The following USH2A variants were observed in gnomAD, a reference collection of about 807,000 sequenced individuals.
USH2A encodes the protein usherin.
In USH2A, 443 loss-of-function variants were observed where a neutral mutation model predicts 538.9. The observed-to-expected ratio is 0.82, with a 90% CI of 0.76 to 0.89. The LOEUF (loss-of-function observed/expected upper bound fraction) is 0.89, where lower values mean the gene tolerates loss of function less well. USH2A is among the 40% of genes least tolerant of loss of function. The pLI, the probability that USH2A is intolerant of heterozygous loss-of-function variation, is 0.00. For synonymous variants in USH2A, 2,413 were observed against 2,273.5 expected (o/e 1.06, Z -1.75); for missense variants, 6,633 against 6,324.8 (o/e 1.05, Z -1.65).
At chr1:216,147,437 C>T (rs2033734087) in intron 21 of USH2A, among the ~76,000 whole-genome samples, 1 of 152,072 alleles carries the variant, frequency 6.6e-6, no homozygotes, top group South Asian at 2.1e-4. Flanking sequence ...TTCTTTATCC[C>T]AAATCAGATA....
chr1:215,939,778 T>A (rs1409953640), intron 37 of USH2A, among the ~76,000 whole-genome samples: 1 of 152,128 alleles, frequency 6.6e-6, no homozygotes, highest in Non-Finnish European at 1.5e-5. Context: ...TTTTTTTTTC[T>A]CTGTGCTGGA....
At chr1:215,824,669 G>A (rs1663105036) in intron 47 of USH2A, among the ~76,000 whole-genome samples, 1 of 152,110 alleles carries the variant, frequency 6.6e-6, no homozygotes, top group African/African-American at 2.4e-5. Context: ...ATTGTCTCTG[G>A]ATGTCCTCAC....
intron 61 of USH2A, among the ~76,000 whole-genome samples, chr1:215,710,175 T>C (rs1202182889): frequency 6.6e-6 from 1 of 152,218 alleles, no homozygotes; most frequent in East Asian, 1.9e-4. Context: ...CATCATTCAC[T>C]GTGGGTGACT....
rs2031607039 is a variant in USH2A at position 216,072,926 on chromosome 1, T to C, written c.5820A>G (p.Val1940=). ...TACGTCCTCGACTCCAATCACTATA[T>C]ACTGAACCTCCTTCATGCGAGGCTA... ...RVIASHEGGS[V]YSDWSRGRTT... is the part of the protein sequence containing the mutation. Residue 1940 remains valine (V), a synonymous_variant, in exon 29 of 72, where the codon GTA becomes GTG. Coordinates refer to ENST00000307340, the MANE Select transcript of USH2A (RefSeq NM_206933.4). 2 of 1,613,974 alleles carry C rather than the reference T, an allele frequency of 1.2e-6. No homozygotes were observed. The highest frequency in any genetic ancestry group is 1.1e-5 in the South Asian group (1 of 91,078).
chr1:216,190,326 T>C lies in USH2A; in HGVS notation c.4293A>G (p.Val1431=), dbSNP rs142068313. ...ATATCCTATAAGGTTTCAGTCCTTCTACAGTGTAAGATAGTTCTTGGGATT... is the reference window on the plus strand; with the variant it reads ...ATATCCTATAAGGTTTCAGTCCTTCCACAGTGTAAGATAGTTCTTGGGATT... The part of the protein sequence containing the change: ...TAKSQELSYT[V]EGLKPYRIYE... The change falls in exon 20 of 72, where the codon GTA becomes GTG. Residue 1431 remains valine (V), a synonymous_variant. Transcript: ENST00000307340. The C allele has an allele frequency of 6.8e-6, 11 of 1,612,196 alleles. No individual in the cohort carries two copies. The highest frequency in any genetic ancestry group is 9.3e-6 in the Non-Finnish European group (11 of 1,178,948).
chr1:216,078,882 T>G (rs2031842721), intron 26 of USH2A, among the ~76,000 whole-genome samples: 1 of 152,184 alleles, frequency 6.6e-6, no homozygotes, highest in Admixed American at 6.6e-5. Flanking sequence ...ATATTTTGAT[T>G]CAATATTTCG....
chr1:215,743,230 T>A lies in USH2A; in HGVS notation c.11495A>T (p.Glu3832Val). 1 of 1,612,798 alleles carries A rather than the reference T, an allele frequency of 6.2e-7. No homozygotes were observed. Among genetic ancestry groups the A allele is most frequent in the Non-Finnish European group, 8.5e-7 (1 of 1,179,580 alleles). The stretch of plus-strand genomic sequence containing the variant: ...ATACTGTGTGAATGGAGTCAAATTT[T>A]CCAGAAGGGTGGATTGATGATGACC... ...SVGHHQSTLL[E>V]NLTPFTQYEI... The change falls in exon 59 of 72, where the codon GAA becomes GTA. Residue 3832 changes from glutamate (E) to valine (V), a missense_variant. Glu to Val is a moderately radical substitution (Grantham distance 121, BLOSUM62 -2). Coordinates refer to ENST00000307340, the MANE Select transcript of USH2A (RefSeq NM_206933.4).
At chr1:215,803,004 G>A (rs1413468094) in intron 49 of USH2A, among the ~76,000 whole-genome samples, 2 of 152,070 alleles carry the variant, frequency 1.3e-5, no homozygotes, top group Admixed American at 6.6e-5. Context: ...ACATAATCCA[G>A]CATATAAACA....
At chr1:215,889,493 A>T (rs966687629) in intron 40 of USH2A, among the ~76,000 whole-genome samples, 1 of 152,186 alleles carries the variant, frequency 6.6e-6, no homozygotes, top group South Asian at 2.1e-4. Flanking sequence ...GCCCAGTAAA[A>T]TCCTTCAGCA....
At chr1:216,112,665 A>G (rs1229706316) in intron 21 of USH2A, among the ~76,000 whole-genome samples, 1 of 151,960 alleles carries the variant, frequency 6.6e-6, no homozygotes, top group Non-Finnish European at 1.5e-5. Context: ...TGTGTTCATG[A>G]GTTCTCATTA....
At chr1:215,739,646 A>C (rs754773886) in intron 60 of USH2A, among the ~76,000 whole-genome samples, 1 of 152,230 alleles carries the variant, frequency 6.6e-6, no homozygotes, top group East Asian at 1.9e-4. Context: ...TTACGTGTTC[A>C]TGTGTTTTTG....
At chr1:215,964,990 C>T (rs182117921) in intron 37 of USH2A, among the ~76,000 whole-genome samples, 1 of 152,146 alleles carries the variant, frequency 6.6e-6, no homozygotes, top group Non-Finnish European at 1.5e-5. Flanking sequence ...AGAGTATATA[C>T]TAGTTCTTCA....
At chr1:215,986,865 A>T (rs922878872) in intron 35 of USH2A, among the ~76,000 whole-genome samples, 1 of 152,176 alleles carries the variant, frequency 6.6e-6, no homozygotes, top group Non-Finnish European at 1.5e-5. Flanking sequence ...ACTCCGTGGC[A>T]CTCTGCCAAA....
chr1:216,227,638 G>C (rs2035587345), intron 14 of USH2A, among the ~76,000 whole-genome samples: 1 of 152,136 alleles, frequency 6.6e-6, no homozygotes, highest in Non-Finnish European at 1.5e-5. Context: ...TCTAAGACTA[G>C]ATAAAAAATT....
In USH2A at chr1:215,629,777, T is replaced by TCTTTTCTTTTC. The variant is rs1199527247; in HGVS notation, c.15298-743_15298-742insGAAAAGAAAAG. 4.3e-3 allele frequency among the ~76,000 whole-genome samples: 629 copies of TCTTTTCTTTTC among 146,350 alleles called. 7 individuals carry two copies. The South Asian group carries it at 0.045, about 11-fold the overall frequency. ...TTCTGCTTTTTCTTTTCTTTTCTTT[T>TCTTTTCTTTTC]TTTTTTTTTTTTTTTTGAGACAGAG... On this transcript the variant is annotated intron_variant, in intron 70 of 71. Coordinates refer to ENST00000307340, the MANE Select transcript of USH2A (RefSeq NM_206933.4).
At chr1:216,069,261 T>C (rs2031481003) in intron 30 of USH2A, among the ~76,000 whole-genome samples, 1 of 152,178 alleles carries the variant, frequency 6.6e-6, no homozygotes, top group Non-Finnish European at 1.5e-5. Flanking sequence ...GTTTTTCTTT[T>C]GCTAAAAGTT....
intron 10 of USH2A, among the ~76,000 whole-genome samples, 176 bp from the exon 11 acceptor site, chr1:216,289,586 A>C (rs1400478943): frequency 1.3e-5 from 2 of 152,124 alleles, no homozygotes; most frequent in African/African-American, 4.8e-5. Context: ...GAAACAATGA[A>C]CCTGTTACAA....
Position 215,647,651 on chromosome 1 carries a change from T to C in USH2A, c.14662A>G (p.Thr4888Ala), listed in dbSNP as rs200993435. ...AGGCTGGCTTTCTGCCCCAGCCCCGTGTACTTTGTTTCTATTTGGCTGGGA... is the reference window on the plus strand; with the variant it reads ...AGGCTGGCTTTCTGCCCCAGCCCCGCGTACTTTGTTTCTATTTGGCTGGGA... ...CTPSQIETKYTGLGQKASLGG... is the reference protein window; with the variant it reads ...CTPSQIETKYAGLGQKASLGG... The change falls in exon 67 of 72, where the codon ACG becomes GCG. Residue 4888 changes from threonine to alanine, a missense_variant. Thr to Ala is a moderately conservative substitution (Grantham distance 58, BLOSUM62 0). Transcript: ENST00000307340. The C allele has an allele frequency of 3.7e-6, 6 of 1,614,182 alleles. No homozygotes were observed. The highest frequency in any genetic ancestry group is 1.3e-5 in the African/African-American group (1 of 75,042).
At chr1:216,412,470 G>C (rs1042664514) in intron 3 of USH2A, among the ~76,000 whole-genome samples, 8 of 151,870 alleles carry the variant, frequency 5.3e-5, no homozygotes, top group Non-Finnish European at 1.5e-5. Context: ...GTAGTCTATC[G>C]CAACTGCCAT....
Sources: allele counts gnomAD v4.1 joint callset (sites outside exome capture counted in the v4.1 genomes callset), GRCh38; gene constraint gnomAD v4.1.1; transcripts MANE v1.5; gene names NCBI Gene and HGNC (gene_info 2026-07-23, HGNC 2026-07-21).